IL1RAP: variants seen among roughly 807,000 people sequenced by gnomAD.
The protein encoded by IL1RAP is interleukin 1 receptor accessory protein, also known as interleukin-1 receptor accessory protein.
Under a neutral mutation model 60.7 loss-of-function variants are expected in IL1RAP, and 35 were observed. The ratio of observed to expected loss-of-function variants is 0.58; its 90% CI spans 0.44 to 0.76. IL1RAP has a LOEUF of 0.76. IL1RAP is among the 30% of genes least tolerant of loss of function. The pLI is 0.00. For missense variants in IL1RAP, 572 were observed against 693.9 expected, an observed-to-expected ratio of 0.82 and a Z score of 1.97; for synonymous variants, 268 against 250.9, an observed-to-expected ratio of 1.07 and a Z score of -0.64.
intron 1 of IL1RAP, among the ~76,000 whole-genome samples, chr3:190,527,861 ACACACACAC>A (rs1400768441): frequency 6.7e-4 from 100 of 150,042 alleles, no homozygotes; most frequent in African/African-American, 2.3e-3. Context: ...ACACACACAC[ACACACACAC>A]GAGAATGGTG....
At chr3:190,629,641 G>GA (rs1243474828) in intron 9 of IL1RAP, 143 bp downstream of exon 9, 10 of 1,389,344 alleles carry the variant, frequency 7.2e-6, no homozygotes, top group Non-Finnish European at 7.5e-6. Flanking sequence ...AAACTTAAAT[G>GA]AAAAATATGA....
chr3:190,646,545 AAAGTAC>A (rs1276201121), intron 11 of IL1RAP, among the ~76,000 whole-genome samples: 2 of 152,226 alleles, frequency 1.3e-5, no homozygotes, highest in Non-Finnish European at 2.9e-5. Context: ...TGTTAAAATA[AAAGTAC>A]AACTCCTTTT....
At chr3:190,593,335 A>G (rs1290371113) in intron 3 of IL1RAP, among the ~76,000 whole-genome samples, 1 of 151,672 alleles carries the variant, frequency 6.6e-6, no homozygotes, top group Non-Finnish European at 1.5e-5. Flanking sequence ...TCCCTCCTCC[A>G]CTCCTGACTT....
intron 3 of IL1RAP, among the ~76,000 whole-genome samples, chr3:190,598,838 T>G (rs1729607108): frequency 6.6e-6 from 1 of 152,200 alleles, no homozygotes; most frequent in South Asian, 2.1e-4. Context: ...CCCATTCTTC[T>G]CTATATTTCA....
At chr3:190,563,778 G>T (rs954204541) in intron 2 of IL1RAP, among the ~76,000 whole-genome samples, 2 of 152,166 alleles carry the variant, frequency 1.3e-5, no homozygotes, top group African/African-American at 2.4e-5. Flanking sequence ...AAAGGGAAAA[G>T]TACCTGGATT....
chr3:190,610,504 AAAAATT>A (rs1380333186), intron 5 of IL1RAP, among the ~76,000 whole-genome samples: 18 of 152,214 alleles, frequency 1.2e-4, no homozygotes, highest in Admixed American at 5.9e-4. Flanking sequence ...GAAAGGGAGA[AAAAATT>A]AAAATTAAAA....
intron 1 of IL1RAP, among the ~76,000 whole-genome samples, chr3:190,530,274 T>C (rs778746931): frequency 1.2e-4 from 19 of 152,158 alleles, no homozygotes; most frequent in Non-Finnish European, 2.2e-4. Flanking sequence ...AAATTCATAC[T>C]TAATCCTATA....
At chr3:190,535,428 T>G (rs1723373566) in intron 1 of IL1RAP, among the ~76,000 whole-genome samples, 1 of 152,214 alleles carries the variant, frequency 6.6e-6, no homozygotes, top group Non-Finnish European at 1.5e-5. Context: ...TTCCCTATTA[T>G]CCACGTGTTA....
chr3:190,584,886 T>C (rs1728316453), intron 3 of IL1RAP, among the ~76,000 whole-genome samples: 1 of 152,196 alleles, frequency 6.6e-6, no homozygotes, highest in Admixed American at 6.5e-5. Context: ...ATAGAACTTC[T>C]AGGTTTTTTC....
At chr3:190,633,104 G>A (rs1041171441) in intron 9 of IL1RAP, among the ~76,000 whole-genome samples, 3 of 151,836 alleles carry the variant, frequency 2.0e-5, no homozygotes, top group African/African-American at 4.8e-5. Context: ...ATAGATCATA[G>A]TATCAGTTTG....
chr3:190,644,939 CAGAT>C (rs1733909418), intron 10 of IL1RAP, among the ~76,000 whole-genome samples: 2 of 152,182 alleles, frequency 1.3e-5, no homozygotes, highest in Non-Finnish European at 2.9e-5. Flanking sequence ...TCCTTGTACT[CAGAT>C]AGAGATCTGT....
At chr3:190,612,928 A>G (rs1730947127) in intron 5 of IL1RAP, among the ~76,000 whole-genome samples, 1 of 152,208 alleles carries the variant, frequency 6.6e-6, no homozygotes, top group Admixed American at 6.5e-5. Flanking sequence ...CTAGCTGAAG[A>G]TTAACTGTGA....
intron 3 of IL1RAP, among the ~76,000 whole-genome samples, chr3:190,566,733 G>A (rs774293118): frequency 3.3e-5 from 5 of 152,198 alleles, no homozygotes; most frequent in Admixed American, 6.5e-5. Flanking sequence ...GTTGGAGGGA[G>A]AGGAACAAAA....
chr3:190,618,937 G>A (rs1358722127), intron 5 of IL1RAP, among the ~76,000 whole-genome samples: 2 of 152,110 alleles, frequency 1.3e-5, no homozygotes, highest in African/African-American at 2.4e-5. Context: ...GTGCCTCAAT[G>A]TAACTGTCAT....
chr3:190,625,128 G>C (rs1732137391), intron 7 of IL1RAP: 1 of 152,566 alleles, frequency 6.6e-6, no homozygotes, highest in Non-Finnish European at 1.5e-5. Context: ...GTGTTTGGGT[G>C]AGCACCGGAG....
In IL1RAP at chr3:190,648,690, T is replaced by C. The variant is rs905832352; in HGVS notation, c.1698T>C (p.Ser566=). Residue 566 remains serine (S), a synonymous_variant, in exon 12 of 12, where the codon TCT becomes TCC. Transcript: ENST00000447382. ...SSDEQGLSYS[S]LKNV ...ATGAGCAGGGCCTCTCGTATTCATC[T>C]TTGAAAAATGTATGAAAGGAATAAT... 1.2e-6 allele frequency: 2 copies of C among 1,607,992 alleles called. No individual in the cohort carries two copies. The highest frequency in any genetic ancestry group is 4.5e-5 in the East Asian group (2 of 44,852).
intron 1 of IL1RAP, among the ~76,000 whole-genome samples, chr3:190,552,937 C>T (rs1053700094): frequency 2.0e-5 from 3 of 152,162 alleles, no homozygotes; most frequent in Admixed American, 6.5e-5. Context: ...ATCCTTTTAA[C>T]TCCCTTAATA....
At chr3:190,589,500 C>A (rs1229024304) in intron 3 of IL1RAP, among the ~76,000 whole-genome samples, 1 of 152,158 alleles carries the variant, frequency 6.6e-6, no homozygotes, top group East Asian at 1.9e-4. Flanking sequence ...CAGGTGATGC[C>A]TCTGTTAAAC....
At chr3:190,611,261 T>A (rs1357084284) in intron 5 of IL1RAP, among the ~76,000 whole-genome samples, 1 of 152,222 alleles carries the variant, frequency 6.6e-6, no homozygotes, top group African/African-American at 2.4e-5. Context: ...AAGAAAATAT[T>A]ACATATTGAT....
Sources: gnomAD v4.1 joint callset for allele counts (sites outside exome capture counted in the v4.1 genomes callset) on GRCh38, gnomAD v4.1.1 for gene constraint, MANE v1.5 for transcripts, NCBI Gene and HGNC (gene_info 2026-07-23, HGNC 2026-07-21) for gene names.